The following ERP44 variants were observed in gnomAD, a reference collection of about 807,000 sequenced individuals.
ERP44 encodes the protein endoplasmic reticulum resident protein 44.
Under a neutral mutation model 53.4 loss-of-function variants are expected in ERP44, and 25 were observed. That is an observed-to-expected ratio of 0.47 (90% CI 0.34 to 0.65). ERP44 has a LOEUF of 0.65. ERP44 is among the 30% of genes least tolerant of loss of function. ERP44 has a pLI of 0.01. For missense variants in ERP44, 338 were observed against 493.2 expected (o/e 0.69, Z 2.98); for synonymous variants, 145 against 161.2 (o/e 0.90, Z 0.76).
intron 4 of ERP44, among the ~76,000 whole-genome samples, chr9:100,026,765 C>T (rs185139846): frequency 1.0e-3 from 157 of 152,298 alleles, no homozygotes; most frequent in Non-Finnish European, 1.9e-3. Flanking sequence ...ACTTTGTCAA[C>T]AAGAAGTCAA....
chr9:99,988,408 G>A (rs1166503611), intron 10 of ERP44, among the ~76,000 whole-genome samples: 4 of 152,070 alleles, frequency 2.6e-5, no homozygotes, highest in African/African-American at 9.7e-5. Context: ...TTACATATAG[G>A]TACATGATAA....
intron 10 of ERP44, chr9:99,998,574 C>T (rs1830341167): frequency 1.4e-6 from 1 of 734,318 alleles, no homozygotes; most frequent in Non-Finnish European, 2.5e-6. Flanking sequence ...TCGTGGTGAG[C>T]TCTGTGCCTC....
chr9:100,023,157 C>T (rs1830612727), intron 4 of ERP44, among the ~76,000 whole-genome samples: 1 of 151,996 alleles, frequency 6.6e-6, no homozygotes, highest in Non-Finnish European at 1.5e-5. Flanking sequence ...AACTATATGT[C>T]CCTTTTCAAC....
intron 10 of ERP44, among the ~76,000 whole-genome samples, chr9:99,989,518 A>G (rs1830231928): frequency 6.6e-6 from 1 of 152,196 alleles, no homozygotes; most frequent in African/African-American, 2.4e-5. Context: ...AAGGACATTC[A>G]CACAAAAACC....
intron 1 of ERP44, among the ~76,000 whole-genome samples, chr9:100,094,974 G>GAAA (rs942932783): frequency 9.8e-5 from 5 of 51,066 alleles, no homozygotes; most frequent in Non-Finnish European, 1.7e-4. Flanking sequence ...TCTGCCTCAA[G>GAAA]AAAAAAAAAA....
intron 4 of ERP44, among the ~76,000 whole-genome samples, chr9:100,027,852 C>A (rs929961347): frequency 6.6e-6 from 1 of 152,090 alleles, no homozygotes; most frequent in Non-Finnish European, 1.5e-5. Flanking sequence ...AGGAGAAGGA[C>A]CACTGCTGCC....
At chr9:100,009,264 A>G (rs1830448605) in intron 8 of ERP44, among the ~76,000 whole-genome samples, 1 of 152,114 alleles carries the variant, frequency 6.6e-6, no homozygotes, top group Admixed American at 6.6e-5. Context: ...AGTGCACATC[A>G]CCATGCCCAG....
intron 3 of ERP44, among the ~76,000 whole-genome samples, chr9:100,055,785 A>G (rs1007566384): frequency 2.0e-5 from 3 of 152,250 alleles, no homozygotes; most frequent in African/African-American, 7.2e-5. Flanking sequence ...AGTCTGGCAC[A>G]AAACAGCATT....
At chr9:100,090,639 C>T (rs1354395179) in intron 1 of ERP44, among the ~76,000 whole-genome samples, 4 of 151,944 alleles carry the variant, frequency 2.6e-5, no homozygotes, top group African/African-American at 7.3e-5. Context: ...ATCCCAGCTA[C>T]CTGGGAGGCT....
chr9:100,014,506 C>G (rs1346221099), intron 8 of ERP44, among the ~76,000 whole-genome samples: 2 of 152,176 alleles, frequency 1.3e-5, no homozygotes, highest in Non-Finnish European at 2.9e-5. Flanking sequence ...CCAGGCTGGT[C>G]TCGAACTCCC....
intron 10 of ERP44, among the ~76,000 whole-genome samples, chr9:99,991,248 C>T (rs201901828): frequency 6.6e-6 from 1 of 151,488 alleles, no homozygotes; most frequent in Admixed American, 6.6e-5. Context: ...TATTCCAAAA[C>T]TGACCACATA....
chr9:100,009,809 C>G (rs1830454601), intron 8 of ERP44, among the ~76,000 whole-genome samples: 1 of 152,210 alleles, frequency 6.6e-6, no homozygotes, highest in African/African-American at 2.4e-5. Flanking sequence ...CCCCTCCTCT[C>G]TAACCTCCTT....
At chr9:100,005,862 A>G (rs1306526111) in intron 10 of ERP44, among the ~76,000 whole-genome samples, 1 of 152,244 alleles carries the variant, frequency 6.6e-6, no homozygotes, top group African/African-American at 2.4e-5. Context: ...TATTGCTTAA[A>G]CTTTTCGTAT....
At chr9:100,033,162 G>A (rs1046030492) in intron 4 of ERP44, among the ~76,000 whole-genome samples, 33 of 152,192 alleles carry the variant, frequency 2.2e-4, no homozygotes, top group Admixed American at 5.2e-4. Context: ...ATTTGCATAA[G>A]TGCAATAAGA....
chr9:100,007,278 G>A (rs933319142), intron 9 of ERP44, among the ~76,000 whole-genome samples: 9 of 152,116 alleles, frequency 5.9e-5, no homozygotes, highest in Admixed American at 5.2e-4. Context: ...ATTGGAAAAG[G>A]GGTCACACAA....
intron 9 of ERP44, among the ~76,000 whole-genome samples, chr9:100,007,094 T>G (rs1415997218): frequency 1.3e-5 from 2 of 152,230 alleles, no homozygotes; most frequent in East Asian, 3.8e-4. Flanking sequence ...TAGAGTACCT[T>G]TAGTTTATTT....
At chr9:99,983,804 G>C (rs1193095417) in intron 11 of ERP44, among the ~76,000 whole-genome samples, 1 of 152,052 alleles carries the variant, frequency 6.6e-6, no homozygotes, top group Non-Finnish European at 1.5e-5. Context: ...TTTTCAGTGA[G>C]ATATATGTTT....
intron 1 of ERP44, among the ~76,000 whole-genome samples, chr9:100,068,667 G>A: frequency 6.9e-6 from 1 of 145,670 alleles, no homozygotes; most frequent in South Asian, 2.2e-4. Context: ...GAGGGAGGTG[G>A]GGGAGTCAAC....
intron 8 of ERP44, among the ~76,000 whole-genome samples, chr9:100,010,008 T>C (rs144330012): frequency 2.0e-4 from 26 of 131,582 alleles, no homozygotes; most frequent in African/African-American, 6.7e-4. Context: ...AAGAGCATTT[T>C]ATCAGTGCCC....
Sources: allele counts gnomAD v4.1 joint callset (sites outside exome capture counted in the v4.1 genomes callset), GRCh38; gene constraint gnomAD v4.1.1; transcripts MANE v1.5; gene names NCBI Gene and HGNC (gene_info 2026-07-23, HGNC 2026-07-21).